RIC3: variants seen among roughly 807,000 people sequenced by gnomAD.
The protein encoded by RIC3 is protein RIC-3.
RIC3 carries 28 observed loss-of-function variants against 27.3 expected under a neutral mutation model. That is an observed-to-expected ratio of 1.02 (90% CI 0.76 to 1.41). The LOEUF is 1.41. Ranked by LOEUF, RIC3 falls within the 40% of genes most tolerant of loss-of-function variation. The probability of loss-of-function intolerance (pLI) is 0.00; values close to 1 mark genes in which losing one functional copy is unlikely to be tolerated. For missense variants in RIC3, 501 were observed against 444.7 expected, an observed-to-expected ratio of 1.13 and a Z score of -1.14; for synonymous variants, 184 against 160.4, an observed-to-expected ratio of 1.15 and a Z score of -1.11.
At position 8,139,466 on chromosome 11, in the gene RIC3, T is replaced by C. The variant is rs11041763; in HGVS notation, c.351+501A>G. 5.0e-3 allele frequency: 787 copies of C among 157,868 alleles called. 3 individuals carry two copies. Among genetic ancestry groups the C allele is most frequent in the Admixed American group, 7.8e-3 (126 of 16,254 alleles). The allele number at this position is 157,868 out of a possible 1,614,324, so 9.8% of individuals were successfully genotyped here. A position where few individuals can be genotyped will look rare whatever the true frequency, so the allele number is the denominator to read the frequency against. The stretch of plus-strand genomic sequence containing the variant: ...GGACAGTTCTGTCTCAGGAGAATTA[T>C]TGGAGATAATATTAAAAACAGCATC... On this transcript the variant is annotated intron_variant, in intron 2 of 5. Coordinates refer to ENST00000309737, the MANE Select transcript of RIC3 (RefSeq NM_001206671.4).
rs140887571 is a variant in RIC3, at chr11:8,115,859, A to C, written c.671-4722T>G. On this transcript the variant is annotated intron_variant, in intron 5 of 5. Transcript: ENST00000309737. ...CAGATTTAATACAATCCCTATCAAAATTTCAATGACAATTTTCACAGAAAT... is the reference window on the plus strand; with the variant it reads ...CAGATTTAATACAATCCCTATCAAACTTTCAATGACAATTTTCACAGAAAT... 5.2e-3 allele frequency among the ~76,000 whole-genome samples: 797 copies of C among 152,348 alleles called. 2 individuals carry two copies. Among genetic ancestry groups the C allele is most frequent in the Non-Finnish European group, 9.2e-3 (629 of 68,030 alleles).
At chr11:8,135,915 T>A (rs1438388638) in intron 4 of RIC3, 3 of 152,222 alleles carry the variant, frequency 2.0e-5, no homozygotes, top group Non-Finnish European at 2.9e-5. Context: ...CTCATACAAA[T>A]AGTCATATGT....
rs1236843897 is a variant in RIC3, at chr11:8,137,413, T to C, written c.486A>G (p.Glu162=). 4 of 1,614,144 alleles carry C rather than the reference T, an allele frequency of 2.5e-6. No homozygotes were observed. The highest frequency in any genetic ancestry group is 1.7e-5 in the Admixed American group (1 of 60,030). ...EKLKETEAAM[E]KLINRVGPNG... ...TAGGTCCCACTCTGTTGATTAATTT[T>C]TCCATGGCTGCTTCTGTCTCCTTCA... is the stretch of plus-strand genomic sequence containing the variant. The change falls in exon 4 of 6, where the codon GAA becomes GAG. Residue 162 remains glutamate, a synonymous_variant. Transcript: ENST00000309737.
At chr11:8,141,914 T>C (rs1315387212) in intron 1 of RIC3, among the ~76,000 whole-genome samples, 3 of 151,806 alleles carry the variant, frequency 2.0e-5, no homozygotes, top group African/African-American at 7.3e-5. Flanking sequence ...AACAACCTGC[T>C]CCTGAATGAC....
chr11:8,097,407 C>T, the RIC3 span: 3 of 1,614,152 alleles, frequency 1.9e-6, no homozygotes, highest in Non-Finnish European at 2.5e-6. Context: ...TGCACCTGGA[C>T]CGTGAGGATG....
In RIC3 at chr11:8,114,240, G is replaced by A. The variant is rs137988956; in HGVS notation, c.671-3103C>T. 3.8e-3 allele frequency among the ~76,000 whole-genome samples: 576 copies of A among 152,272 alleles called. 1 individual carries two copies. The highest frequency in any genetic ancestry group is 6.2e-3 in the Non-Finnish European group (421 of 68,008). ...ACAGATACCAATGCATAGCCATGAG[G>A]ATCAAGAACAATCAAGGAAACATGT... On this transcript the variant is annotated intron_variant, in intron 5 of 5. Transcript: ENST00000309737.
At chr11:8,126,240 G>C (rs1301806438) in intron 5 of RIC3, among the ~76,000 whole-genome samples, 1 of 152,126 alleles carries the variant, frequency 6.6e-6, no homozygotes, top group Non-Finnish European at 1.5e-5. Flanking sequence ...TATGGTATAA[G>C]TATATAACTG....
At chr11:8,145,323 A>C (rs1415099850) in intron 1 of RIC3, among the ~76,000 whole-genome samples, 1 of 151,614 alleles carries the variant, frequency 6.6e-6, no homozygotes, top group Non-Finnish European at 1.5e-5. Context: ...CTCCTTCTCT[A>C]TGGGGCCATA....
At chr11:8,094,331 C>T in the RIC3 span, 17 of 1,141,272 alleles carry the variant, frequency 1.5e-5, no homozygotes, top group Non-Finnish European at 2.1e-5. Flanking sequence ...TGGGCACCCC[C>T]TCAGGTGGCT....
chr11:8,166,353 T>TA lies in RIC3; in HGVS notation c.124+2512dup, dbSNP rs550593385. On this transcript the variant is annotated intron_variant, in intron 1 of 5. Transcript: ENST00000309737. ...GATATGGTACATCATAAATATTTGT[T>TA]AAAAGACTATCTTAAAGGCTTTCAT... 6.6e-5 allele frequency among the ~76,000 whole-genome samples: 10 copies of TA among 152,314 alleles called. No homozygotes were observed. The East Asian group carries it at 1.9e-3, about 29-fold the overall frequency.
At chr11:8,094,205 C>G in the RIC3 span, 5 of 1,601,172 alleles carry the variant, frequency 3.1e-6, no homozygotes, top group Non-Finnish European at 4.3e-6. Flanking sequence ...CTCACATTCT[C>G]TACAGCCCTC....
chr11:8,146,088 GA>G (rs1267191967), intron 1 of RIC3, among the ~76,000 whole-genome samples: 4 of 152,186 alleles, frequency 2.6e-5, no homozygotes. Context: ...AGACTTTATA[GA>G]CCTATGTAAG....
chr11:8,165,835 G>C (rs771103492), intron 1 of RIC3, among the ~76,000 whole-genome samples: 144 of 147,066 alleles, frequency 9.8e-4, no homozygotes, highest in Non-Finnish European at 1.7e-3. Context: ...CTGCAGTGCA[G>C]TTACACAATC....
At chr11:8,111,397 A>G (rs1235740403) in intron 5 of RIC3, among the ~76,000 whole-genome samples, 2 of 152,180 alleles carry the variant, frequency 1.3e-5, no homozygotes, top group Non-Finnish European at 2.9e-5. Flanking sequence ...GGCAGAGTTA[A>G]GTCTTATACC....
intron 1 of RIC3, among the ~76,000 whole-genome samples, chr11:8,146,125 TA>T (rs1158754033): frequency 6.6e-6 from 1 of 152,200 alleles, no homozygotes; most frequent in Non-Finnish European, 1.5e-5. Flanking sequence ...AATAGTGTAG[TA>T]GGGAGTTTGA....
intron 4 of RIC3, among the ~76,000 whole-genome samples, chr11:8,133,787 T>C (rs1948027458): frequency 6.6e-6 from 1 of 152,168 alleles, no homozygotes. Context: ...GGTTATAGTA[T>C]TGCATCCCTG....
At chr11:8,130,458 T>C (rs534444863) in intron 4 of RIC3, among the ~76,000 whole-genome samples, 16 of 152,262 alleles carry the variant, frequency 1.1e-4, no homozygotes, top group African/African-American at 3.9e-4. Flanking sequence ...CCTTTGATAT[T>C]ATGAGCTACC....
chr11:8,140,261 AT>A, intron 1 of RIC3, 68 bp from the exon 2 acceptor site: 1 of 1,400,956 alleles, frequency 7.1e-7, no homozygotes, highest in Non-Finnish European at 9.7e-7. Flanking sequence ...AAAACACCAA[AT>A]CATTAAGGTA....
At position 8,134,843 on chromosome 11, in the gene RIC3, GT is replaced by G. The variant is rs534901894; in HGVS notation, c.521+2534del. 1.2e-3 allele frequency among the ~76,000 whole-genome samples: 188 copies of G among 152,204 alleles called. 2 individuals are homozygous for G. The highest frequency in any genetic ancestry group is 4.4e-3 in the African/African-American group (184 of 41,514). ...CCTTTGCCCGCTTGTTGATGGGGTT[GT>G]TTTTTTCTTGTAAATTTGTTTGAGT... On this transcript the variant is annotated intron_variant, in intron 4 of 5. Transcript: ENST00000309737.
Sources: allele counts gnomAD v4.1 joint callset (sites outside exome capture counted in the v4.1 genomes callset), GRCh38; gene constraint gnomAD v4.1.1; transcripts MANE v1.5; gene names NCBI Gene and HGNC (gene_info 2026-07-23, HGNC 2026-07-21).